ZBTB26: variants seen among roughly 807,000 people sequenced by gnomAD.
ZBTB26 encodes zinc finger and BTB domain-containing protein 26.
A neutral mutation model predicts 31.6 loss-of-function variants in ZBTB26; 12 were observed. The ratio of observed to expected loss-of-function variants is 0.38; its 90% CI spans 0.24 to 0.61. The LOEUF (loss-of-function observed/expected upper bound fraction) is 0.61, where lower values mean the gene tolerates loss of function less well. ZBTB26 is among the 20% of genes least tolerant of loss of function. The pLI, the probability that ZBTB26 is intolerant of heterozygous loss-of-function variation, is 0.60. For synonymous variants in ZBTB26, 155 were observed against 182.9 expected (o/e 0.85, Z 1.23); for missense variants, 311 against 521.9 (o/e 0.60, Z 3.94).
rs561742183 is a variant in ZBTB26, at chr9:122,915,567, T to G, written c.*3042A>C. On this transcript the variant is annotated 3_prime_UTR_variant, in exon 2 of 2. Transcript: ENST00000373656. ...GAAAATAACCAATGACACCAGAGCTTTAATCGTCACACTTTTATTAAGGAA... is the reference window on the plus strand; with the variant it reads ...GAAAATAACCAATGACACCAGAGCTGTAATCGTCACACTTTTATTAAGGAA... 2 of 152,182 alleles carry G rather than the reference T, an allele frequency of 1.3e-5. No individual in the cohort carries two copies. The highest frequency in any genetic ancestry group is 2.9e-5 in the Non-Finnish European group (2 of 68,024). The allele number at this position is 152,182 out of a possible 1,614,324, so 9.4% of individuals were successfully genotyped here. A position where few individuals can be genotyped will look rare whatever the true frequency, so the allele number is the denominator to read the frequency against.
At position 122,918,709 on chromosome 9, in the gene ZBTB26, T is replaced by C. The variant is rs747724660; in HGVS notation, c.1226A>G (p.Lys409Arg). 6 of 1,614,170 alleles carry C rather than the reference T, an allele frequency of 3.7e-6. No individual in the cohort carries two copies. Among genetic ancestry groups the C allele is most frequent in the Non-Finnish European group, 5.1e-6 (6 of 1,180,024 alleles). Residue 409 changes from lysine to arginine, a missense_variant, in exon 2 of 2, where the codon AAA (lysine) becomes AGA (arginine). Physicochemically the swap from Lys to Arg is conservative, Grantham distance 26. Coordinates refer to ENST00000373656, the MANE Select transcript of ZBTB26 (RefSeq NM_020924.4). ...SFACTTVTDS[K>R]GCQPQPDATQ... ...TGCATCGGGTTGTGGCTGACACCCTTTAGAGTCTGTGACTGTTGTACATGC... is the reference window on the plus strand; with the variant it reads ...TGCATCGGGTTGTGGCTGACACCCTCTAGAGTCTGTGACTGTTGTACATGC...
intron 1 of ZBTB26, among the ~76,000 whole-genome samples, chr9:122,924,935 C>A (rs1176520080): frequency 6.6e-6 from 1 of 152,060 alleles, no homozygotes; most frequent in African/African-American, 2.4e-5. Context: ...GGATTACAGG[C>A]ATGAACCTGT....
rs761260731 is a variant in ZBTB26, at chr9:122,918,627, A to G, written c.1308T>C (p.Asp436=). The change falls in exon 2 of 2, where the codon GAT becomes GAC. Residue 436 remains aspartate, a synonymous_variant. Coordinates refer to ENST00000373656, the MANE Select transcript of ZBTB26 (RefSeq NM_020924.4). ...LAQAVLNLRN[D]STCVN ...CCCCTACTCAATTCACACAAGTACT[A>G]TCATTTCTTAAGTTCAGGACAGCTT... The G allele has an allele frequency of 3.1e-6, 5 of 1,613,070 alleles. No homozygotes were observed. In the African/African-American group the frequency reaches 4.0e-5, roughly 13 times the overall value.
In ZBTB26 at chr9:122,916,641, T is replaced by C. The variant is rs893035890; in HGVS notation, c.*1968A>G. The C allele has an allele frequency of 1.3e-5, 2 of 152,214 alleles. No homozygotes were observed. Among genetic ancestry groups the C allele is most frequent in the Non-Finnish European group, 2.9e-5 (2 of 68,034 alleles). The allele number at this position is 152,214 out of a possible 1,614,324, so 9.4% of individuals were successfully genotyped here. A position where few individuals can be genotyped will look rare whatever the true frequency, so the allele number is the denominator to read the frequency against. On this transcript the variant is annotated 3_prime_UTR_variant, in exon 2 of 2. Transcript: ENST00000373656. ...ACTATTGCATAGAATTGGTACTCTT[T>C]GGCTGGATCATGTAAAAATCACAAT...
intron 1 of ZBTB26, among the ~76,000 whole-genome samples, chr9:122,924,615 C>CT (rs1554778683): frequency 2.1e-4 from 2 of 9,352 alleles, no homozygotes; most frequent in Non-Finnish European, 1.3e-3. Context: ...CAAATTTCAA[C>CT]TTTCTTTTTT....
At chr9:122,924,007 T>C (rs1833140316) in intron 1 of ZBTB26, among the ~76,000 whole-genome samples, 1 of 152,234 alleles carries the variant, frequency 6.6e-6, no homozygotes, top group South Asian at 2.1e-4. Flanking sequence ...GGCTGTGTCA[T>C]ACAACCCAGG....
intron 1 of ZBTB26, among the ~76,000 whole-genome samples, chr9:122,929,329 T>TTCTTCTCAACCTGGGTCTCTTTCCAA (rs1833231730): frequency 6.6e-6 from 1 of 152,226 alleles, no homozygotes; most frequent in African/African-American, 2.4e-5. Context: ...TTTACTTACC[T>TTCTTCTCAACCTGGGTCTCTTTCCAA]TCTTCTCAAC....
intron 1 of ZBTB26, among the ~76,000 whole-genome samples, chr9:122,924,650 C>T (rs187819679): frequency 2.1e-5 from 3 of 140,508 alleles, no homozygotes; most frequent in East Asian, 4.1e-4. Context: ...GACAAGGTCT[C>T]ACTCTGTCAT....
chr9:122,918,292 G>T lies in ZBTB26; in HGVS notation c.*317C>A. 1 of 263,282 alleles carries T rather than the reference G, an allele frequency of 3.8e-6. No homozygotes were observed. Among genetic ancestry groups the T allele is most frequent in the Non-Finnish European group, 7.2e-6 (1 of 138,544 alleles). 16.3% of individuals were successfully genotyped at this position (263,282 alleles called of 1,614,324 possible). A position where few individuals can be genotyped will look rare whatever the true frequency, so the allele number is the denominator to read the frequency against. On this transcript the variant is annotated 3_prime_UTR_variant, in exon 2 of 2. Coordinates refer to ENST00000373656, the MANE Select transcript of ZBTB26 (RefSeq NM_020924.4). Reference sequence around the variant, plus strand: ...ACGTTATTAACTTGTTGGTACCTTCGGAATGTGCCTAGTGAAAAGCCTAAA... The same window carrying T: ...ACGTTATTAACTTGTTGGTACCTTCTGAATGTGCCTAGTGAAAAGCCTAAA...
chr9:122,920,867 G>C (rs1833087266), intron 1 of ZBTB26, among the ~76,000 whole-genome samples: 1 of 152,132 alleles, frequency 6.6e-6, no homozygotes, highest in Non-Finnish European at 1.5e-5. Flanking sequence ...TGGACTACTA[G>C]AACTGATTCA....
At chr9:122,921,483 C>T (rs966521764) in intron 1 of ZBTB26, among the ~76,000 whole-genome samples, 2 of 152,204 alleles carry the variant, frequency 1.3e-5, no homozygotes, top group African/African-American at 4.8e-5. Context: ...CACATCTGGA[C>T]CCCAAAGTCC....
chr9:122,919,159 C>T lies in ZBTB26; in HGVS notation c.776G>A (p.Gly259Asp). The T allele has an allele frequency of 6.2e-7, 1 of 1,614,144 alleles. No homozygotes were observed. Among genetic ancestry groups the T allele is most frequent in the Non-Finnish European group, 8.5e-7 (1 of 1,180,028 alleles). ...NIIMASKDVF[G>D]PNIRGVDKGL... Reference sequence around the variant, plus strand: ...TTTGTCTACACCTCGAATATTAGGGCCAAAGACATCTTTTGAGGCCATGAT... The same window carrying T: ...TTTGTCTACACCTCGAATATTAGGGTCAAAGACATCTTTTGAGGCCATGAT... Residue 259 changes from glycine (G) to aspartate (D), a missense_variant, in exon 2 of 2, where the codon GGC becomes GAC. Physicochemically the swap from Gly to Asp is moderately conservative, Grantham distance 94. This residue lies in a region of ZBTB26 where 207 missense variants were observed against 298.6 expected (regional missense o/e 0.69). Coordinates refer to ENST00000373656, the MANE Select transcript of ZBTB26 (RefSeq NM_020924.4). The surrounding 1 kb of genome is among the most constrained non-coding windows in gnomAD (Gnocchi z 6.1).
chr9:122,931,337 C>G (rs1833282269), intron 1 of ZBTB26, 100 bp downstream of exon 1: 1 of 152,304 alleles, frequency 6.6e-6, no homozygotes, highest in African/African-American at 2.4e-5. Flanking sequence ...CTCTCGGCTC[C>G]CATCCCAGTG....
At position 122,929,685 on chromosome 9, in the gene ZBTB26, G is replaced by A. The variant is rs74335953; in HGVS notation, c.-11+1752C>T. Among the ~76,000 whole-genome samples, 35 of 152,294 alleles carry A rather than the reference G, an allele frequency of 2.3e-4. 1 individual carries two copies. The East Asian group carries it at 6.6e-3, about 29-fold the overall frequency. ...AGCCTGTCAATTTTCTTTGTGAAAT[G>A]CTTTAAATGTGTCCTATCCTTATTC... On this transcript the variant is annotated intron_variant, in intron 1 of 1. Coordinates refer to ENST00000373656, the MANE Select transcript of ZBTB26 (RefSeq NM_020924.4).
chr9:122,916,815 TATG>T lies in ZBTB26; in HGVS notation c.*1791_*1793del, dbSNP rs1564333468. 1 of 152,218 alleles carries T rather than the reference TATG, an allele frequency of 6.6e-6. No individual in the cohort carries two copies. Among genetic ancestry groups the T allele is most frequent in the South Asian group, 2.1e-4 (1 of 4,836 alleles). The allele number at this position is 152,218 out of a possible 1,614,324, so 9.4% of individuals were successfully genotyped here. The stretch of plus-strand genomic sequence containing the variant: ...CTGACTCACATGATGATAATTTACA[TATG>T]ATAACAATGATACATGTAAACGTAT... On this transcript the variant is annotated 3_prime_UTR_variant, in exon 2 of 2. Transcript: ENST00000373656.
At chr9:122,920,649 G>A (rs1018449480) in intron 1 of ZBTB26, among the ~76,000 whole-genome samples, 1 of 152,170 alleles carries the variant, frequency 6.6e-6, no homozygotes, top group African/African-American at 2.4e-5. Context: ...TTTAGGCAAA[G>A]ACAAAGTTCT....
rs1275282267 is a variant in ZBTB26 at position 122,915,609 on chromosome 9, T to G, written c.*3000A>C. The G allele has an allele frequency of 6.6e-6, 1 of 152,204 alleles. No individual in the cohort carries two copies. Among genetic ancestry groups the G allele is most frequent in the Non-Finnish European group, 1.5e-5 (1 of 68,034 alleles). 9.4% of individuals were successfully genotyped at this position (152,204 alleles called of 1,614,324 possible). On this transcript the variant is annotated 3_prime_UTR_variant, in exon 2 of 2. Coordinates refer to ENST00000373656, the MANE Select transcript of ZBTB26 (RefSeq NM_020924.4). ...ATTAAGGAAACTTCCCCATAATAAGTGAAGAGGTAGTTCATAGTATGTCTA... is the reference window on the plus strand; with the variant it reads ...ATTAAGGAAACTTCCCCATAATAAGGGAAGAGGTAGTTCATAGTATGTCTA...
At position 122,918,675 on chromosome 9, in the gene ZBTB26, G is replaced by A. The variant is rs764364542; in HGVS notation, c.1260C>T (p.Val420=). Residue 420 remains valine, a synonymous_variant, in exon 2 of 2, where the codon GTC becomes GTT. Coordinates refer to ENST00000373656, the MANE Select transcript of ZBTB26 (RefSeq NM_020924.4). ...CTTGGGCCAGTTTACCTGCATCCAG[G>A]ACCTGTGTTGCATCGGGTTGTGGCT... The part of the protein sequence containing the change: ...GCQPQPDATQ[V]LDAGKLAQAV... The A allele has an allele frequency of 9.3e-6, 15 of 1,614,188 alleles. No individual in the cohort carries two copies. The South Asian group carries it at 1.5e-4, about 17-fold the overall frequency.
chr9:122,931,025 T>C (rs1668121549), intron 1 of ZBTB26: 2 of 152,232 alleles, frequency 1.3e-5, no homozygotes, highest in African/African-American at 2.4e-5. Context: ...AGTGGCCAAA[T>C]AGGGGAAAAC....
Sources: gnomAD v4.1 joint callset for allele counts (sites outside exome capture counted in the v4.1 genomes callset) on GRCh38, gnomAD v4.1.1 for gene constraint, gnomAD v4.1.1 regional missense constraint, Gnocchi (gnomAD v3.1) non-coding constraint, MANE v1.5 for transcripts, NCBI Gene and HGNC (gene_info 2026-07-23, HGNC 2026-07-21) for gene names.